The following EXOC4 variants were observed in gnomAD, a reference collection of about 807,000 sequenced individuals.
EXOC4 encodes the protein exocyst complex component 4.
Under a neutral mutation model 107.2 loss-of-function variants are expected in EXOC4, and 71 were observed. The observed-to-expected ratio is 0.66, with a 90% CI of 0.55 to 0.81. The LOEUF is 0.81. Ranked by LOEUF, EXOC4 falls within the 30% of genes least tolerant of loss-of-function variation. EXOC4 has a pLI of 0.00. For missense variants in EXOC4, 1,108 were observed against 1,189.6 expected (o/e 0.93, Z 1.01); for synonymous variants, 456 against 441.2 (o/e 1.03, Z -0.42).
intron 12 of EXOC4, among the ~76,000 whole-genome samples, chr7:133,904,696 G>A (rs537875794): frequency 2.6e-5 from 4 of 152,294 alleles, no homozygotes; most frequent in South Asian, 2.1e-4. Flanking sequence ...ATTCTTTGAG[G>A]CTTTGAAAGG....
intron 11 of EXOC4, among the ~76,000 whole-genome samples, chr7:133,844,414 G>A (rs1351913242): frequency 2.4e-5 from 2 of 82,044 alleles, no homozygotes; most frequent in Non-Finnish European, 4.3e-5. Flanking sequence ...TTTTTGAGAT[G>A]GAGTCTTGCT....
intron 14 of EXOC4, among the ~76,000 whole-genome samples, chr7:133,960,068 G>T (rs984508892): frequency 6.6e-6 from 1 of 152,156 alleles, no homozygotes; most frequent in African/African-American, 2.4e-5. Context: ...GACAGGATAT[G>T]CCAAGATAAC....
chr7:133,583,516 C>A (rs1348665078), intron 9 of EXOC4, among the ~76,000 whole-genome samples: 1 of 152,152 alleles, frequency 6.6e-6, no homozygotes. Flanking sequence ...AACTCTTGAG[C>A]TGAATCTCAG....
chr7:133,479,882 G>A (rs1799111836), intron 8 of EXOC4, among the ~76,000 whole-genome samples, 168 bp from the exon 9 acceptor site: 1 of 152,190 alleles, frequency 6.6e-6, no homozygotes, highest in Non-Finnish European at 1.5e-5. Flanking sequence ...CATAAATCAA[G>A]GTCTGCGGCA....
chr7:134,049,237 G>A (rs1480829477), intron 17 of EXOC4, among the ~76,000 whole-genome samples: 6 of 152,006 alleles, frequency 3.9e-5, no homozygotes, highest in Admixed American at 3.9e-4. Context: ...TCAAATCTTG[G>A]TAATAATAAA....
At chr7:133,590,161 G>A (rs2150976929) in intron 9 of EXOC4, among the ~76,000 whole-genome samples, 1 of 152,184 alleles carries the variant, frequency 6.6e-6, no homozygotes, top group East Asian at 1.9e-4. Context: ...GCACATGCAG[G>A]CCCCTGGTCC....
At chr7:133,554,653 T>C (rs1453942901) in intron 9 of EXOC4, among the ~76,000 whole-genome samples, 2 of 152,198 alleles carry the variant, frequency 1.3e-5, no homozygotes, top group African/African-American at 4.8e-5. Flanking sequence ...GGCCTGCTGC[T>C]TCAGGCATCT....
At chr7:133,994,588 G>A (rs1229772621) in intron 14 of EXOC4, among the ~76,000 whole-genome samples, 5 of 152,162 alleles carry the variant, frequency 3.3e-5, no homozygotes, top group African/African-American at 1.2e-4. Flanking sequence ...GGAATGATCT[G>A]ATGTCATCCA....
At chr7:133,674,223 C>G (rs1794007671) in intron 10 of EXOC4, among the ~76,000 whole-genome samples, 1 of 152,044 alleles carries the variant, frequency 6.6e-6, no homozygotes, top group Non-Finnish European at 1.5e-5. Context: ...TGCTCGAAAC[C>G]CTAGAAACCA....
intron 9 of EXOC4, among the ~76,000 whole-genome samples, chr7:133,527,371 T>C (rs775490172): frequency 2.6e-4 from 40 of 152,140 alleles, no homozygotes; most frequent in Non-Finnish European, 5.1e-4. Flanking sequence ...GCCCCTGCAC[T>C]CTAGCCTGGG....
intron 17 of EXOC4, among the ~76,000 whole-genome samples, chr7:134,045,232 A>G (rs1585348299): frequency 6.6e-6 from 1 of 152,320 alleles, no homozygotes; most frequent in East Asian, 1.9e-4. Context: ...CCCAATTCTA[A>G]CCTATATTTC....
At chr7:133,949,668 A>G (rs1254323177) in intron 14 of EXOC4, among the ~76,000 whole-genome samples, 1 of 152,204 alleles carries the variant, frequency 6.6e-6, no homozygotes, top group Non-Finnish European at 1.5e-5. Context: ...ATGTGCCACA[A>G]TTATCACTAA....
chr7:133,719,007 G>C (rs1795052614), intron 10 of EXOC4, among the ~76,000 whole-genome samples: 1 of 152,164 alleles, frequency 6.6e-6, no homozygotes, highest in East Asian at 1.9e-4. Flanking sequence ...TGGTTTGGCT[G>C]TGTCCCCACC....
At chr7:133,327,434 T>A (rs979614407) in intron 5 of EXOC4, among the ~76,000 whole-genome samples, 16 of 152,182 alleles carry the variant, frequency 1.1e-4, no homozygotes, top group Non-Finnish European at 1.8e-4. Flanking sequence ...TGCCTGTATC[T>A]CCTTCATTTC....
chr7:133,826,103 A>G (rs1051271788), intron 11 of EXOC4, among the ~76,000 whole-genome samples: 1 of 152,186 alleles, frequency 6.6e-6, no homozygotes, highest in African/African-American at 2.4e-5. Context: ...ATTGAGGAAG[A>G]TGGAGTGGAA....
chr7:133,380,990 T>A (rs1796607798), intron 7 of EXOC4, among the ~76,000 whole-genome samples: 1 of 152,192 alleles, frequency 6.6e-6, no homozygotes, highest in Admixed American at 6.5e-5. Context: ...CTATCTACCT[T>A]TCTGCCCTTA....
At chr7:133,829,006 C>G (rs368957985) in intron 11 of EXOC4, among the ~76,000 whole-genome samples, 4 of 152,262 alleles carry the variant, frequency 2.6e-5, no homozygotes, top group African/African-American at 9.6e-5. Context: ...GAGAGAGACA[C>G]AGAAGGCTGG....
At chr7:133,716,504 A>G (rs998504376) in intron 10 of EXOC4, among the ~76,000 whole-genome samples, 2 of 152,230 alleles carry the variant, frequency 1.3e-5, no homozygotes, top group African/African-American at 4.8e-5. Context: ...CTTGCCTGAT[A>G]GACTTGAAAA....
At chr7:133,404,123 C>T (rs997494504) in intron 7 of EXOC4, among the ~76,000 whole-genome samples, 1 of 152,138 alleles carries the variant, frequency 6.6e-6, no homozygotes, top group Non-Finnish European at 1.5e-5. Context: ...TTGTTTGATA[C>T]AGAGTCTTCT....
Sources: gnomAD v4.1 joint callset for allele counts (sites outside exome capture counted in the v4.1 genomes callset) on GRCh38, gnomAD v4.1.1 for gene constraint, MANE v1.5 for transcripts, NCBI Gene and HGNC (gene_info 2026-07-23, HGNC 2026-07-21) for gene names.